The following MROH1 variants were observed in gnomAD, a reference collection of about 807,000 sequenced individuals.
MROH1 encodes maestro heat-like repeat-containing protein family member 1.
Under a neutral mutation model 116.5 loss-of-function variants are expected in MROH1, and 117 were observed. That is an observed-to-expected ratio of 1.00 (90% confidence interval 0.86 to 1.17). The LOEUF is 1.17. MROH1 is among the 50% of genes most tolerant of loss of function. MROH1 has a pLI of 0.00. For missense variants in MROH1, 1,873 were observed against 1,338.5 expected (o/e 1.40, Z -6.23); for synonymous variants, 921 against 583.9 (o/e 1.58, Z -8.32).
chr8:144,159,588 C>A (rs553617539), intron 1 of MROH1, among the ~76,000 whole-genome samples: 1 of 152,174 alleles, frequency 6.6e-6, no homozygotes, highest in East Asian at 1.9e-4. Flanking sequence ...TTGCTTTTAA[C>A]CTCGTAGTGT....
intron 33 of MROH1, 125 bp downstream of exon 33, chr8:144,250,491 G>A: frequency 1.4e-6 from 1 of 699,082 alleles, no homozygotes; most frequent in Non-Finnish European, 2.6e-6. Context: ...ATGGCTGTAG[G>A]CCACGTGGGA....
At chr8:144,192,571 G>C (rs938297919) in intron 10 of MROH1, 170 bp downstream of exon 10, 1 of 712,876 alleles carries the variant, frequency 1.4e-6, no homozygotes, top group African/African-American at 1.7e-5. Flanking sequence ...ATGTGGCGAT[G>C]CTCTTGCCCT....
chr8:144,233,334 C>T (rs868973786), intron 14 of MROH1, among the ~76,000 whole-genome samples: 40 of 149,848 alleles, frequency 2.7e-4, no homozygotes, highest in African/African-American at 9.2e-4. Context: ...TTCCCTCCCC[C>T]GCAGCTCCTG....
intron 32 of MROH1, among the ~76,000 whole-genome samples, chr8:144,249,559 G>C (rs1215616152): frequency 2.0e-5 from 3 of 152,172 alleles, no homozygotes; most frequent in African/African-American, 7.2e-5. Context: ...TGACAAGGCC[G>C]TCCCCCAGAG....
intron 7 of MROH1, among the ~76,000 whole-genome samples, chr8:144,188,402 C>T (rs1422170383): frequency 6.6e-6 from 1 of 151,224 alleles, no homozygotes; most frequent in Non-Finnish European, 1.5e-5. Flanking sequence ...GTGCTTCAGC[C>T]CAGGGGGGCC....
At chr8:144,260,477 G>A (rs1008679968) in intron 39 of MROH1, 103 bp downstream of exon 39, 21 of 697,346 alleles carry the variant, frequency 3.0e-5, no homozygotes, top group Admixed American at 1.2e-4. Flanking sequence ...CTCCCACCTC[G>A]GCTAGGTGAC....
Position 144,168,415 on chromosome 8 carries a change from A to G in MROH1, c.143A>G (p.Glu48Gly). 6.2e-7 allele frequency: 1 copy of G among 1,610,790 alleles called. No individual in the cohort carries two copies. The change falls in exon 4 of 44, where the codon GAG becomes GGG. Residue 48 changes from glutamate to glycine, a missense_variant. Transcript: ENST00000326134. The stretch of plus-strand genomic sequence containing the variant: ...CCGGTGGAGACGCTCCGTGCCTGCG[A>G]GGAGTATCTGCGGCAGCATGACAAG... ...ARPVETLRAC[E>G]EYLRQHDKLA...
chr8:144,232,164 A>G lies in MROH1; in HGVS notation c.1339-6592A>G, dbSNP rs375137132. On this transcript the variant is annotated intron_variant, in intron 14 of 43. Transcript: ENST00000326134. ...TACTAGGTCTTTTTTCTGAATATATATTTGTACCCATTAATCAGCCTCTCT... is the reference window on the plus strand; with the variant it reads ...TACTAGGTCTTTTTTCTGAATATATGTTTGTACCCATTAATCAGCCTCTCT... 3.3e-5 allele frequency among the ~76,000 whole-genome samples: 5 copies of G among 152,146 alleles called. No individual in the cohort carries two copies. In the East Asian group the frequency reaches 9.7e-4, roughly 29 times the overall value.
chr8:144,252,097 T>C (rs1297989003), intron 33 of MROH1: 1 of 173,402 alleles, frequency 5.8e-6, no homozygotes, highest in Non-Finnish European at 1.3e-5. Context: ...GGCTGCACTG[T>C]GTGTGTGTTT....
rs749734566 is a variant in MROH1 at position 144,168,355 on chromosome 8, T to C, written c.83T>C (p.Val28Ala). 2.8e-5 allele frequency: 45 copies of C among 1,610,872 alleles called. No homozygotes were observed. The highest frequency in any genetic ancestry group is 6.7e-5 in the Admixed American group (4 of 59,952). ...AAGGACCCCCTGGTGCAGGAGCAGG[T>C]CTGCAGTGCCCTGTGCTCCCTCGGG... ...TDKDPLVQEQ[V>A]CSALCSLGEA... Residue 28 changes from valine (V) to alanine (A), a missense_variant, in exon 4 of 44, where the codon GTC (valine) becomes GCC (alanine). Val to Ala is a moderately conservative substitution (Grantham distance 64, BLOSUM62 0). Transcript: ENST00000326134.
chr8:144,251,330 G>C (rs1201705458), intron 33 of MROH1: 1 of 152,256 alleles, frequency 6.6e-6, no homozygotes, highest in Admixed American at 6.5e-5. Context: ...CTCTTGCATG[G>C]TAAATAGCTG....
chr8:144,247,627 TC>T lies in MROH1; in HGVS notation c.3069del (p.Val1024CysfsTer15). 3.9e-6 allele frequency: 3 copies of T among 767,402 alleles called. No homozygotes were observed. In the Admixed American group the frequency reaches 5.1e-5, roughly 13 times the overall value. 47.5% of individuals were successfully genotyped at this position (767,402 alleles called of 1,614,324 possible). A position where few individuals can be genotyped will look rare whatever the true frequency, so the allele number is the denominator to read the frequency against. On this transcript the variant is annotated frameshift_variant, in exon 31 of 44. Transcript: ENST00000326134. LOFTEE classifies it high-confidence loss of function. The stretch of plus-strand genomic sequence containing the variant: ...CGGCTCCTCAGCCTCAAGGACGGCC[TC>T]GTGCACCCTGACCCCGCCATTCTCT... Reference protein sequence around the residue: ...AERLLSLKDGLVHPDPAILFH... With the variant: ...AERLLSLKDGXVHPDPAILFH...
At chr8:144,254,363 T>C (rs2133242618) in intron 33 of MROH1, 1 of 159,060 alleles carries the variant, frequency 6.3e-6, no homozygotes, top group South Asian at 2.0e-4. Flanking sequence ...TTGTTGTTCA[T>C]TTCTGCAAAC....
intron 35 of MROH1, among the ~76,000 whole-genome samples, chr8:144,258,052 G>A (rs1380261320): frequency 2.0e-5 from 3 of 152,214 alleles, no homozygotes; most frequent in African/African-American, 7.2e-5. Context: ...AGCCTCAGCA[G>A]GGAAGGGCTC....
chr8:144,181,923 G>A lies in MROH1; in HGVS notation c.562+1400G>A, dbSNP rs571207608. The stretch of plus-strand genomic sequence containing the variant: ...CGGACTTGCAGTTCTGACACCTCTT[G>A]CTTACCTTCCCCTTCATAGGGGACC... On this transcript the variant is annotated intron_variant, in intron 7 of 43. Coordinates refer to ENST00000326134, the MANE Select transcript of MROH1 (RefSeq NM_032450.3). Among the ~76,000 whole-genome samples, 367 of 152,344 alleles carry A rather than the reference G, an allele frequency of 2.4e-3. 12 individuals are homozygous for A. In the South Asian group the frequency reaches 0.065, roughly 27 times the overall value.
intron 1 of MROH1, among the ~76,000 whole-genome samples, chr8:144,156,499 G>C (rs1410897312): frequency 1.3e-5 from 2 of 151,754 alleles, no homozygotes; most frequent in Non-Finnish European, 2.9e-5. Flanking sequence ...CTGAGCTCAG[G>C]GGTTTGAGAC....
intron 4 of MROH1, among the ~76,000 whole-genome samples, chr8:144,168,728 G>T (rs1564381924): frequency 6.6e-6 from 1 of 152,210 alleles, no homozygotes; most frequent in African/African-American, 2.4e-5. Context: ...TGGCCGGGCT[G>T]TGTGCCTAGT....
intron 14 of MROH1, among the ~76,000 whole-genome samples, chr8:144,226,213 C>G (rs1837790173): frequency 6.6e-6 from 1 of 151,680 alleles, no homozygotes; most frequent in African/African-American, 2.4e-5. Context: ...CTGTGCCCGG[C>G]CTTTTGAGTT....
chr8:144,197,529 C>T (rs554007920), intron 10 of MROH1, among the ~76,000 whole-genome samples: 81 of 140,982 alleles, frequency 5.7e-4, no homozygotes, highest in Middle Eastern at 3.8e-3. Context: ...TCTGCCTCCC[C>T]GGTTCACGCC....
Sources: gnomAD v4.1 joint callset for allele counts (sites outside exome capture counted in the v4.1 genomes callset) on GRCh38, gnomAD v4.1.1 for gene constraint, MANE v1.5 for transcripts, NCBI Gene and HGNC (gene_info 2026-07-23, HGNC 2026-07-21) for gene names.